The following B3GALT1 variants were observed in gnomAD, a reference collection of about 807,000 sequenced individuals.
B3GALT1 encodes the protein UDP-Gal:betaGlcNAc beta 1,3-galactosyltransferase, polypeptide 1.
B3GALT1 carries 10 observed loss-of-function variants against 23.2 expected under a neutral mutation model. That is an observed-to-expected ratio of 0.43 (90% CI 0.27 to 0.73). The LOEUF (loss-of-function observed/expected upper bound fraction) is 0.73. Among genes scored for constraint, B3GALT1 ranks in the 30% least tolerant of loss-of-function variants. B3GALT1 has a pLI of 0.21. For missense variants in B3GALT1, 299 were observed against 405.4 expected (o/e 0.74, Z 2.25); for synonymous variants, 156 against 141.5 (o/e 1.10, Z -0.73).
chr2:167,339,297 C>T (rs986223536), intron 1 of B3GALT1, among the ~76,000 whole-genome samples: 7 of 151,496 alleles, frequency 4.6e-5, no homozygotes, highest in South Asian at 2.1e-4. Flanking sequence ...AAGCAAGTTG[C>T]GCAGGTAATA....
intron 1 of B3GALT1, among the ~76,000 whole-genome samples, chr2:167,431,350 T>G (rs554073582): frequency 9.4e-4 from 143 of 152,200 alleles, no homozygotes; most frequent in African/African-American, 3.1e-3. Flanking sequence ...CATAGAAAAA[T>G]TTCAGTAATG....
chr2:167,470,880 A>G (rs1161229075), intron 1 of B3GALT1, among the ~76,000 whole-genome samples: 1 of 152,192 alleles, frequency 6.6e-6, no homozygotes, highest in Non-Finnish European at 1.5e-5. Flanking sequence ...ACCTTGATCA[A>G]TTTCATATAG....
At chr2:167,802,339 G>C (rs1688654662) in intron 3 of B3GALT1, among the ~76,000 whole-genome samples, 1 of 152,192 alleles carries the variant, frequency 6.6e-6, no homozygotes, top group Non-Finnish European at 1.5e-5. Flanking sequence ...GACTGAGAGA[G>C]GGGCCCTGGA....
At chr2:167,780,941 T>A (rs1448423791) in intron 3 of B3GALT1, among the ~76,000 whole-genome samples, 1 of 152,228 alleles carries the variant, frequency 6.6e-6, no homozygotes, top group Non-Finnish European at 1.5e-5. Context: ...TAAGTGCTAC[T>A]GAACTGTTCC....
rs368269188 is a variant in B3GALT1 at position 167,564,272 on chromosome 2, G to A, written c.-410+73995G>A. ...CCCACATCTCAGACGATGGGCGGCC[G>A]GGCAGAGACGCTCCCCCCCTCCCAG... On this transcript the variant is annotated intron_variant, in intron 2 of 4. Transcript: ENST00000392690. Among the ~76,000 whole-genome samples the A allele has an allele frequency of 1.6e-4, 24 of 148,980 alleles. No individual in the cohort carries two copies. The East Asian group carries it at 2.8e-3, about 18-fold the overall frequency.
At chr2:167,533,150 T>C (rs1006036898) in intron 2 of B3GALT1, among the ~76,000 whole-genome samples, 1 of 152,106 alleles carries the variant, frequency 6.6e-6, no homozygotes, top group South Asian at 2.1e-4. Context: ...CATGAGCTAC[T>C]GCACCTGGCT....
chr2:167,713,542 T>G (rs966389450), intron 3 of B3GALT1: 3 of 706,746 alleles, frequency 4.2e-6, no homozygotes, highest in Non-Finnish European at 7.2e-6. Flanking sequence ...TCCTGAGAAC[T>G]GTAATTCCAT....
chr2:167,396,481 CG>C (rs765378695), intron 1 of B3GALT1, among the ~76,000 whole-genome samples: 7 of 148,316 alleles, frequency 4.7e-5, no homozygotes, highest in East Asian at 4.0e-4. Flanking sequence ...AAACATTTTC[CG>C]AATAGAATTA....
chr2:167,420,498 A>AT (rs1698530229), intron 1 of B3GALT1, among the ~76,000 whole-genome samples: 1 of 152,214 alleles, frequency 6.6e-6, no homozygotes, highest in Admixed American at 6.5e-5. Flanking sequence ...AACATTGTGT[A>AT]TTTCAAGAAA....
chr2:167,765,860 T>C (rs1232138632), intron 3 of B3GALT1, among the ~76,000 whole-genome samples: 1 of 152,212 alleles, frequency 6.6e-6, no homozygotes, highest in Non-Finnish European at 1.5e-5. Flanking sequence ...AAGCTTGCAC[T>C]CTCTTGAGGC....
chr2:167,788,456 G>A (rs1688378977), intron 3 of B3GALT1, among the ~76,000 whole-genome samples: 1 of 152,040 alleles, frequency 6.6e-6, no homozygotes, highest in Non-Finnish European at 1.5e-5. Context: ...GGGGTGATGG[G>A]AGACAGTGAC....
chr2:167,369,298 A>G (rs1248725317), intron 1 of B3GALT1, among the ~76,000 whole-genome samples: 1 of 152,160 alleles, frequency 6.6e-6, no homozygotes, highest in Non-Finnish European at 1.5e-5. Flanking sequence ...CTCCATATTC[A>G]GAATAGTGGC....
At chr2:167,434,536 A>C (rs1698749186) in intron 1 of B3GALT1, among the ~76,000 whole-genome samples, 1 of 151,778 alleles carries the variant, frequency 6.6e-6, no homozygotes, top group South Asian at 2.1e-4. Context: ...AAAAAAAAAA[A>C]AAAACCCACA....
intron 2 of B3GALT1, among the ~76,000 whole-genome samples, chr2:167,561,148 A>T (rs1423506087): frequency 2.0e-5 from 3 of 152,168 alleles, no homozygotes; most frequent in African/African-American, 7.2e-5. Context: ...GGATTAAGAA[A>T]CTCACTCAAA....
At chr2:167,449,429 T>C (rs546198605) in intron 1 of B3GALT1, among the ~76,000 whole-genome samples, 1 of 152,316 alleles carries the variant, frequency 6.6e-6, no homozygotes, top group African/African-American at 2.4e-5. Flanking sequence ...GCTACTGATT[T>C]GTGTACATTA....
At chr2:167,755,372 A>C (rs1269709414) in intron 3 of B3GALT1, among the ~76,000 whole-genome samples, 1 of 151,524 alleles carries the variant, frequency 6.6e-6, no homozygotes, top group Non-Finnish European at 1.5e-5. Context: ...TTGATGTTGC[A>C]TTGTTCACCC....
At chr2:167,591,319 G>A (rs1216104369) in intron 2 of B3GALT1, among the ~76,000 whole-genome samples, 1 of 152,026 alleles carries the variant, frequency 6.6e-6, no homozygotes, top group African/African-American at 2.4e-5. Context: ...ATTAAAGTGA[G>A]GCAGAGAAGA....
intron 3 of B3GALT1, among the ~76,000 whole-genome samples, chr2:167,660,603 A>G (rs1277248119): frequency 1.3e-5 from 2 of 152,106 alleles, no homozygotes; most frequent in East Asian, 3.9e-4. Context: ...ATCTGTGAGG[A>G]ATCTTTCAAA....
At chr2:167,372,547 G>T (rs1697702961) in intron 1 of B3GALT1, among the ~76,000 whole-genome samples, 1 of 151,942 alleles carries the variant, frequency 6.6e-6, no homozygotes, top group African/African-American at 2.4e-5. Flanking sequence ...GATTGGAAAT[G>T]AAGAAAGAAT....
Sources: allele counts gnomAD v4.1 joint callset (sites outside exome capture counted in the v4.1 genomes callset), GRCh38; gene constraint gnomAD v4.1.1; transcripts MANE v1.5; gene names NCBI Gene and HGNC (gene_info 2026-07-23, HGNC 2026-07-21).